UNC80: variants seen among roughly 807,000 people sequenced by gnomAD.
UNC80 encodes unc-80 subunit of NALCN channel complex.
A neutral mutation model predicts 384.6 loss-of-function variants in UNC80; 164 were observed. That is an observed-to-expected ratio of 0.43 (90% CI 0.38 to 0.49). The LOEUF is 0.49. Ranked by LOEUF, UNC80 falls within the 20% of genes least tolerant of loss-of-function variation. The pLI, the probability that UNC80 is intolerant of heterozygous loss-of-function variation, is 0.00. For missense variants in UNC80, 3,330 were observed against 4,143.0 expected (o/e 0.80, Z 5.39); for synonymous variants, 1,486 against 1,527.8 (o/e 0.97, Z 0.64).
intron 34 of UNC80, among the ~76,000 whole-genome samples, chr2:209,922,045 C>G (rs1407746114): frequency 6.6e-6 from 1 of 152,116 alleles, no homozygotes; most frequent in East Asian, 1.9e-4. Flanking sequence ...GATTCTCTGT[C>G]CTGCTTTTGT....
At chr2:209,927,904 T>G (rs1575045564) in intron 36 of UNC80, among the ~76,000 whole-genome samples, 1 of 152,298 alleles carries the variant, frequency 6.6e-6, no homozygotes, top group East Asian at 1.9e-4. Flanking sequence ...TAGTTAATCA[T>G]AGTACCTCCA....
rs558549152 is a variant in UNC80 at position 209,820,659 on chromosome 2, A to C, written c.2311A>C (p.Asn771His). ...GGGGGGPYEKNDKNQEKDEST... is the reference protein window; with the variant it reads ...GGGGGGPYEKHDKNQEKDEST... ...AGGTGGAGGCGGCCCTTATGAGAAG[A>C]ATGATAAGAACCAAGAGAAGGTATG... The change falls in exon 13 of 65, where the codon AAT (asparagine) becomes CAT (histidine). Residue 771 changes from asparagine (N) to histidine (H), a missense_variant. Coordinates refer to ENST00000673920, the MANE Select transcript of UNC80 (RefSeq NM_001371986.1). 4.5e-6 allele frequency: 7 copies of C among 1,544,440 alleles called. No individual in the cohort carries two copies. The East Asian group carries it at 1.7e-4, about 38-fold the overall frequency.
At chr2:209,967,661 G>C (rs1309684219) in intron 52 of UNC80, 24 bp downstream of exon 52, 3 of 1,545,660 alleles carry the variant, frequency 1.9e-6, no homozygotes, top group East Asian at 2.4e-5. Flanking sequence ...CGAGTTAGCT[G>C]TTGCTATCAC....
intron 61 of UNC80, among the ~76,000 whole-genome samples, chr2:209,986,143 G>C (rs374222405): frequency 4.5e-4 from 68 of 152,276 alleles, no homozygotes; most frequent in African/African-American, 1.6e-3. Flanking sequence ...CTTTATTCAC[G>C]GTGTTGGAAG....
intron 59 of UNC80, among the ~76,000 whole-genome samples, chr2:209,981,502 T>C (rs1438117994): frequency 7.9e-5 from 12 of 152,214 alleles, no homozygotes; most frequent in East Asian, 1.9e-4. Context: ...CACTTGAACC[T>C]GGGAGGCGGA....
At chr2:209,946,433 G>A (rs1237175537) in intron 47 of UNC80, among the ~76,000 whole-genome samples, 1 of 151,764 alleles carries the variant, frequency 6.6e-6, no homozygotes, top group East Asian at 1.9e-4. Context: ...AGGAAACATA[G>A]CATAGGTTCT....
At chr2:209,945,774 A>G in intron 46 of UNC80, 73 bp from the exon 47 acceptor site, 2 of 908,274 alleles carry the variant, frequency 2.2e-6, no homozygotes, top group Non-Finnish European at 3.5e-6. Flanking sequence ...TGATAACATT[A>G]GGAGTAATAG....
At chr2:209,877,006 T>C (rs1193532616) in intron 23 of UNC80, among the ~76,000 whole-genome samples, 1 of 152,198 alleles carries the variant, frequency 6.6e-6, no homozygotes, top group Non-Finnish European at 1.5e-5. Flanking sequence ...TAGTAACTTT[T>C]CTAAATATTT....
intron 22 of UNC80, among the ~76,000 whole-genome samples, chr2:209,867,213 C>T (rs932825286): frequency 6.6e-6 from 1 of 152,202 alleles, no homozygotes; most frequent in Non-Finnish European, 1.5e-5. Flanking sequence ...CCAGGCCCTA[C>T]AATGGATCTA....
chr2:209,815,441 C>T lies in UNC80; in HGVS notation c.1335+50C>T, dbSNP rs2079664375. On this transcript the variant is annotated intron_variant, in intron 9 of 64. Transcript: ENST00000673920. The stretch of plus-strand genomic sequence containing the variant: ...TGATATTTTGGTAAATAAAAAATGT[C>T]AGTGGGACATGAGATGTTTCTGATG... 4 of 1,528,004 alleles carry T rather than the reference C, an allele frequency of 2.6e-6. No homozygotes were observed. The South Asian group carries it at 4.9e-5, about 19-fold the overall frequency. 94.7% of individuals were successfully genotyped at this position (1,528,004 alleles called of 1,614,324 possible).
intron 28 of UNC80, 121 bp downstream of exon 28, chr2:209,896,534 C>T (rs1476307660): frequency 2.4e-6 from 2 of 829,982 alleles, no homozygotes; most frequent in Admixed American, 2.1e-5. Flanking sequence ...CAAGAGAAAG[C>T]AGGGGCTTAT....
At chr2:209,984,760 G>T in intron 60 of UNC80, 96 bp from the exon 61 acceptor site, 2 of 1,154,714 alleles carry the variant, frequency 1.7e-6, no homozygotes, top group Non-Finnish European at 2.4e-6. Flanking sequence ...TTTATTTTTG[G>T]TTCTTGGAAG....
At position 209,959,716 on chromosome 2, in the gene UNC80, C is replaced by G; in HGVS notation, c.7805+9C>G. The stretch of plus-strand genomic sequence containing the variant: ...GTGAAGTCTCACATGAGGTACTGGC[C>G]TCGCTTTCCCTGCCCCAAGTGTGAA... On this transcript the variant is annotated intron_variant, in intron 51 of 64. Coordinates refer to ENST00000673920, the MANE Select transcript of UNC80 (RefSeq NM_001371986.1). 4 of 1,549,818 alleles carry G rather than the reference C, an allele frequency of 2.6e-6. No individual in the cohort carries two copies. In the South Asian group the frequency reaches 4.8e-5, roughly 18 times the overall value.
At chr2:209,947,059 A>G (rs1159648558) in intron 47 of UNC80, among the ~76,000 whole-genome samples, 1 of 152,152 alleles carries the variant, frequency 6.6e-6, no homozygotes, top group Non-Finnish European at 1.5e-5. Flanking sequence ...GGCCTTCAGG[A>G]GAACAAAGCT....
At chr2:209,977,430 G>A (rs1383315916) in intron 58 of UNC80, among the ~76,000 whole-genome samples, 1 of 152,106 alleles carries the variant, frequency 6.6e-6, no homozygotes, top group African/African-American at 2.4e-5. Flanking sequence ...AAAAGAGAAG[G>A]GGGACATTCA....
At position 209,976,334 on chromosome 2, in the gene UNC80, G is replaced by T; in HGVS notation, c.8772+31G>T. ...GTGTGTGCTTCTCCTCCTGAAAGTG[G>T]CAAGCTCAAATGAATGTGTGGCTCT... On this transcript the variant is annotated intron_variant, in intron 57 of 64. Coordinates refer to ENST00000673920, the MANE Select transcript of UNC80 (RefSeq NM_001371986.1). This position sits in a 1 kb window ranked among gnomAD's most constrained non-coding sequence, Gnocchi z 4.3. The T allele has an allele frequency of 6.4e-7, 1 of 1,551,466 alleles. No homozygotes were observed.
At chr2:209,789,924 C>A (rs2077690498) in intron 6 of UNC80, among the ~76,000 whole-genome samples, 1 of 151,620 alleles carries the variant, frequency 6.6e-6, no homozygotes, top group Admixed American at 6.6e-5. Flanking sequence ...TCATTACATC[C>A]CAGATTAAAT....
chr2:209,963,842 A>G (rs550031226), intron 51 of UNC80, among the ~76,000 whole-genome samples: 3 of 152,310 alleles, frequency 2.0e-5, no homozygotes, highest in Admixed American at 6.5e-5. Context: ...GAGAAGATGG[A>G]TTGGATTTAT....
At chr2:209,811,248 A>G (rs1024191311) in intron 7 of UNC80, among the ~76,000 whole-genome samples, 1 of 152,166 alleles carries the variant, frequency 6.6e-6, no homozygotes, top group Non-Finnish European at 1.5e-5. Context: ...GAGGCAATAA[A>G]TCAATAACTG....
Sources: allele counts gnomAD v4.1 joint callset (sites outside exome capture counted in the v4.1 genomes callset), GRCh38; gene constraint gnomAD v4.1.1; non-coding constraint Gnocchi (gnomAD v3.1); transcripts MANE v1.5; gene names NCBI Gene and HGNC (gene_info 2026-07-23, HGNC 2026-07-21).